Variants in SCARA3 observed in about 807,000 individuals in gnomAD.
The protein encoded by SCARA3 is scavenger receptor class A member 3, also known as cellular stress response gene protein.
A neutral mutation model predicts 47.0 loss-of-function variants in SCARA3; 39 were observed. The observed-to-expected ratio is 0.83, with a 90% CI of 0.64 to 1.08. SCARA3 has a LOEUF of 1.08. Ranked by LOEUF, SCARA3 falls within the 50% of genes least tolerant of loss-of-function variation. SCARA3 has a pLI of 0.00. For synonymous variants in SCARA3, 356 were observed against 334.1 expected, an observed-to-expected ratio of 1.07 and a Z score of -0.71; for missense variants, 724 against 792.3, an observed-to-expected ratio of 0.91 and a Z score of 1.04.
chr8:27,711,820 C>T, the SCARA3 span, among the ~76,000 whole-genome samples: 4 of 152,150 alleles, frequency 2.6e-5, no homozygotes, highest in Admixed American at 1.3e-4. Context: ...CCATATACTC[C>T]CTGCCCCGAC....
intron 5 of SCARA3, among the ~76,000 whole-genome samples, chr8:27,664,806 T>C (rs970894933): frequency 2.6e-5 from 4 of 151,774 alleles, no homozygotes; most frequent in African/African-American, 9.7e-5. Flanking sequence ...GGAGTCCTAG[T>C]CATGCGTGGA....
the SCARA3 span, among the ~76,000 whole-genome samples, chr8:27,726,309 G>T: frequency 6.6e-6 from 1 of 152,344 alleles, no homozygotes; most frequent in South Asian, 2.1e-4. Flanking sequence ...AGGAGGCTGA[G>T]GTGGGAGGAT....
At chr8:27,655,775 G>T (rs973310283) in intron 3 of SCARA3, among the ~76,000 whole-genome samples, 10 of 152,138 alleles carry the variant, frequency 6.6e-5, no homozygotes, top group African/African-American at 2.4e-4. Flanking sequence ...TTACATAATT[G>T]CTGTATTATT....
At chr8:27,661,263 C>T (rs1801907902) in intron 5 of SCARA3, among the ~76,000 whole-genome samples, 1 of 152,174 alleles carries the variant, frequency 6.6e-6, no homozygotes, top group Non-Finnish European at 1.5e-5. Flanking sequence ...TCTCCTTAAA[C>T]CATACTTAAT....
rs1801747952 is a variant in SCARA3 at position 27,656,575 on chromosome 8, G to A, written c.227-207G>A. ...AGGTCCTATTTCTAACATGTGGGGT[G>A]TGGGGTGAGTTATTCTGTTTCTAAA... On this transcript the variant is annotated intron_variant, in intron 3 of 5. Transcript: ENST00000301904. Among the ~76,000 whole-genome samples, 3 of 152,228 alleles carry A rather than the reference G, an allele frequency of 2.0e-5. No individual in the cohort carries two copies. The South Asian group carries it at 6.2e-4, about 32-fold the overall frequency.
intron 3 of SCARA3, 99 bp downstream of exon 3, chr8:27,651,726 A>T: frequency 6.7e-7 from 1 of 1,486,064 alleles, no homozygotes; most frequent in Non-Finnish European, 9.1e-7. Context: ...TGACATCTGT[A>T]TCCCAGGGCC....
At chr8:27,701,464 C>T in the SCARA3 span, 1 of 152,000 alleles carries the variant, frequency 6.6e-6, no homozygotes, top group Non-Finnish European at 1.5e-5. Context: ...TCTCGTAGCT[C>T]CCCATTGAAC....
intron 1 of SCARA3, among the ~76,000 whole-genome samples, chr8:27,640,433 T>C (rs1426876442): frequency 6.6e-6 from 1 of 152,230 alleles, no homozygotes; most frequent in Non-Finnish European, 1.5e-5. Context: ...GTGCCCAGGC[T>C]GGAGTGCAGT....
chr8:27,705,674 G>A, the SCARA3 span, among the ~76,000 whole-genome samples: 1 of 152,226 alleles, frequency 6.6e-6, no homozygotes, highest in African/African-American at 2.4e-5. Flanking sequence ...CACGCACCGT[G>A]CATACAACAG....
rs573356863 is a variant in SCARA3 at position 27,661,805 on chromosome 8, AT to A, written c.1369+2269del. ...CCTCCTGAAGGGTCTGGGCTATAGT[AT>A]TTCTACCTGGGTGGGGTTGTTGAAT... On this transcript the variant is annotated intron_variant, in intron 5 of 5. Coordinates refer to ENST00000301904, the MANE Select transcript of SCARA3 (RefSeq NM_016240.3). 1.2e-4 allele frequency among the ~76,000 whole-genome samples: 19 copies of A among 152,112 alleles called. No individual in the cohort carries two copies. In the East Asian group the frequency reaches 3.7e-3, roughly 29 times the overall value.
At position 27,658,645 on chromosome 8, in the gene SCARA3, G is replaced by C. The variant is rs1333849624; in HGVS notation, c.475G>C (p.Val159Leu). The C allele has an allele frequency of 9.9e-6, 16 of 1,614,014 alleles. No homozygotes were observed. The highest frequency in any genetic ancestry group is 1.3e-5 in the African/African-American group (1 of 74,880). Residue 159 changes from valine to leucine, a missense_variant, in exon 5 of 6, where the codon GTG (valine) becomes CTG (leucine). Physicochemically the swap from Val to Leu is conservative, Grantham distance 32. Coordinates refer to ENST00000301904, the MANE Select transcript of SCARA3 (RefSeq NM_016240.3). ...GGACCAGACCTTACAGGCCCAGGAG[G>C]TGCTCTCCACCACCAGCAGACAAAT... ...QLDQTLQAQE[V>L]LSTTSRQISQ...
chr8:27,730,403 T>C, the SCARA3 span, among the ~76,000 whole-genome samples: 6 of 151,986 alleles, frequency 3.9e-5, no homozygotes, highest in South Asian at 1.3e-3. Context: ...CCCTTCCCTG[T>C]AGCTGAGCCA....
intron 5 of SCARA3, among the ~76,000 whole-genome samples, chr8:27,663,044 C>T: frequency 6.6e-6 from 1 of 152,208 alleles, no homozygotes; most frequent in Admixed American, 6.5e-5. Flanking sequence ...TTATTGCCAC[C>T]AGTTTTTCAG....
At chr8:27,633,560 C>T (rs1801178884), upstream of SCARA3, among the ~76,000 whole-genome samples, 1 of 152,210 alleles carries the variant, frequency 6.6e-6, no homozygotes, top group Non-Finnish European at 1.5e-5. Context: ...CTTGGCGGTC[C>T]CGATAGTGAA....
chr8:27,714,798 A>G, the SCARA3 span, among the ~76,000 whole-genome samples: 1 of 152,228 alleles, frequency 6.6e-6, no homozygotes, highest in African/African-American at 2.4e-5. Flanking sequence ...AGGAGAAGGA[A>G]TTGAAAATAA....
intron 5 of SCARA3, among the ~76,000 whole-genome samples, chr8:27,669,532 G>A (rs1345881877): frequency 1.3e-5 from 2 of 152,228 alleles, no homozygotes; most frequent in African/African-American, 2.4e-5. Context: ...CCTGCCTCCC[G>A]GCTTCTCTGA....
At chr8:27,636,200 AC>A (rs746720641) in intron 1 of SCARA3, among the ~76,000 whole-genome samples, 20 of 152,178 alleles carry the variant, frequency 1.3e-4, no homozygotes, top group Non-Finnish European at 2.6e-4. Flanking sequence ...ACCACATCTT[AC>A]ACGGGGCCAC....
chr8:27,670,850 G>A lies in SCARA3; in HGVS notation c.1370-50G>A, dbSNP rs1198629224. On this transcript the variant is annotated intron_variant, in intron 5 of 5. Coordinates refer to ENST00000301904, the MANE Select transcript of SCARA3 (RefSeq NM_016240.3). ...CGCTCTGCTCATGGGCGAGCCTCGG[G>A]TGGGGAGCCCCTGACAGACTGACCT... 5 of 1,465,748 alleles carry A rather than the reference G, an allele frequency of 3.4e-6. No individual in the cohort carries two copies. In the Admixed American group the frequency reaches 9.5e-5, roughly 28 times the overall value. 90.8% of individuals were successfully genotyped at this position (1,465,748 alleles called of 1,614,324 possible).
At chr8:27,711,964 A>G in the SCARA3 span, among the ~76,000 whole-genome samples, 1 of 152,228 alleles carries the variant, frequency 6.6e-6, no homozygotes, top group Admixed American at 6.5e-5. Context: ...GGTGTTGTAC[A>G]GTCTGTAAGT....
Sources: allele counts gnomAD v4.1 joint callset (sites outside exome capture counted in the v4.1 genomes callset), GRCh38; gene constraint gnomAD v4.1.1; transcripts MANE v1.5; gene names NCBI Gene and HGNC (gene_info 2026-07-23, HGNC 2026-07-21).